Variants in MIA2 observed in about 807,000 individuals in gnomAD.
The protein encoded by MIA2 is MIA SH3 domain ER export factor 2.
Under a neutral mutation model 167.8 loss-of-function variants are expected in MIA2, and 127 were observed. The ratio of observed to expected loss-of-function variants is 0.76; its 90% CI spans 0.66 to 0.88. MIA2 has a LOEUF of 0.88. Ranked by LOEUF, MIA2 falls within the 40% of genes least tolerant of loss-of-function variation. MIA2 has a pLI of 0.00. For missense variants in MIA2, 1,690 were observed against 1,624.7 expected, an observed-to-expected ratio of 1.04 and a Z score of -0.69; for synonymous variants, 552 against 541.9, an observed-to-expected ratio of 1.02 and a Z score of -0.26.
At position 39,365,385 on chromosome 14, in the gene MIA2, G is replaced by A. The variant is rs935856976; in HGVS notation, c.2248+16408G>A. On this transcript the variant is annotated intron_variant, in intron 23 of 23. Coordinates refer to the MIA2 transcript ENST00000341502. ...ATTAAATAGGTTTTCAGTGCCTTTAGCCTTCTCTTCTTTTTTCTGGAATAC... is the reference window on the plus strand; with the variant it reads ...ATTAAATAGGTTTTCAGTGCCTTTAACCTTCTCTTCTTTTTTCTGGAATAC... 3.3e-5 allele frequency among the ~76,000 whole-genome samples: 5 copies of A among 152,232 alleles called. No homozygotes were observed. In the South Asian group the frequency reaches 1.0e-3, roughly 32 times the overall value.
Position 39,314,017 on chromosome 14 carries a change from C to T in MIA2, c.3119+576C>T, listed in dbSNP as rs565524645. Reference sequence around the variant, plus strand: ...TTGCTTTTTATCCAAAATAAGTTATCTTGTTAATCTCACAAAAGTACCAAG... The same window carrying T: ...TTGCTTTTTATCCAAAATAAGTTATTTTGTTAATCTCACAAAAGTACCAAG... On this transcript the variant is annotated intron_variant, in intron 19 of 28. Transcript: ENST00000640607. Among the ~76,000 whole-genome samples, 10 of 152,238 alleles carry T rather than the reference C, an allele frequency of 6.6e-5. No individual in the cohort carries two copies. The South Asian group carries it at 1.9e-3, about 28-fold the overall frequency.
intron 23 of MIA2, among the ~76,000 whole-genome samples, chr14:39,358,769 C>G (rs2074599559): frequency 6.6e-6 from 1 of 152,158 alleles, no homozygotes; most frequent in Admixed American, 6.5e-5. Context: ...TTCCTTCTAA[C>G]AGTCAGGATC....
rs1337242182 is a variant in MIA2, at chr14:39,350,132, T to C, written c.4107T>C (p.Pro1369=). Reference sequence around the variant, plus strand: ...TCTATCCACCGAGGGGTTTTCCTCCTTACCTTCCCCCAAGACCTGGATTTT... The same window carrying C: ...TCTATCCACCGAGGGGTTTTCCTCCCTACCTTCCCCCAAGACCTGGATTTT... ...RNVYPPRGFP[P]YLPPRPGFFP... Residue 1369 remains proline (P), a synonymous_variant, in exon 29 of 29, where the codon CCT becomes CCC. Transcript: ENST00000640607. The C allele has an allele frequency of 7.2e-7, 1 of 1,386,454 alleles. No individual in the cohort carries two copies. Among genetic ancestry groups the C allele is most frequent in the Non-Finnish European group, 9.8e-7 (1 of 1,016,342 alleles). The allele number at this position is 1,386,454 out of a possible 1,614,324, so 85.9% of individuals were successfully genotyped here.
Position 39,247,237 on chromosome 14 carries a change from T to C in MIA2, c.663T>C (p.Ser221=), listed in dbSNP as rs1233381710. 1 of 1,613,992 alleles carries C rather than the reference T, an allele frequency of 6.2e-7. No individual in the cohort carries two copies. The highest frequency in any genetic ancestry group is 1.7e-5 in the Admixed American group (1 of 59,980). The change falls in exon 4 of 29, where the codon TCT becomes TCC. Residue 221 remains serine, a synonymous_variant. Transcript: ENST00000640607. ...EVHVPPSSAV[S]GVKEWFGLGG... ...ATGTCCCACCATCTTCAGCTGTGTCTGGAGTCAAAGAATGGTTTGGATTGG... is the reference window on the plus strand; with the variant it reads ...ATGTCCCACCATCTTCAGCTGTGTCCGGAGTCAAAGAATGGTTTGGATTGG...
Position 39,373,882 on chromosome 14 carries a change from C to T in MIA2, c.2249-13003C>T, listed in dbSNP as rs147393626. Among the ~76,000 whole-genome samples the T allele has an allele frequency of 2.2e-3, 341 of 152,174 alleles. 1 individual carries two copies. Among genetic ancestry groups the T allele is most frequent in the African/African-American group, 7.7e-3 (319 of 41,512 alleles). On this transcript the variant is annotated intron_variant, in intron 23 of 23. Transcript: ENST00000341502. ...TCATAAGAAAAAAAACAAACTCTGG[C>T]CAGGTGCAGTGGTTCATGCTTGTAA... is the stretch of plus-strand genomic sequence containing the variant.
chr14:39,279,623 T>C (rs2058644105), intron 9 of MIA2, 86 bp downstream of exon 9: 1 of 830,520 alleles, frequency 1.2e-6, no homozygotes, highest in African/African-American at 1.7e-5. Context: ...AAATTTAAGA[T>C]TATGAATGCT....
intron 26 of MIA2, chr14:39,346,754 C>T (rs2153073631): frequency 6.5e-6 from 1 of 155,014 alleles, no homozygotes; most frequent in Admixed American, 6.6e-5. Flanking sequence ...GCTGGGACTA[C>T]AGGTGTGCAC....
chr14:39,368,733 T>C (rs2074876047), intron 23 of MIA2, among the ~76,000 whole-genome samples: 1 of 151,688 alleles, frequency 6.6e-6, no homozygotes, highest in Non-Finnish European at 1.5e-5. Context: ...ATTTAGTCTT[T>C]CAACTTTTGT....
intron 20 of MIA2, chr14:39,315,448 T>G (rs1250515170): frequency 7.6e-6 from 3 of 394,718 alleles, no homozygotes; most frequent in Non-Finnish European, 1.3e-5. Context: ...TCCTGTTGAT[T>G]ATTACATAAA....
chr14:39,304,179 G>A (rs2062954025), intron 16 of MIA2, 112 bp from the exon 17 acceptor site: 2 of 450,560 alleles, frequency 4.4e-6, no homozygotes. Context: ...TCATCAAAAC[G>A]ATAAAATCAC....
At chr14:39,276,128 G>A (rs1257992372) in intron 6 of MIA2, 1 of 151,978 alleles carries the variant, frequency 6.6e-6, no homozygotes, top group South Asian at 2.1e-4. Flanking sequence ...TTTTGATCAA[G>A]TAATATCTTG....
At chr14:39,327,710 C>G (rs1260752981) in intron 25 of MIA2, among the ~76,000 whole-genome samples, 1 of 151,918 alleles carries the variant, frequency 6.6e-6, no homozygotes, top group Non-Finnish European at 1.5e-5. Context: ...TGAGTGAGAA[C>G]ATGCGGTGTT....
intron 23 of MIA2, among the ~76,000 whole-genome samples, chr14:39,384,053 A>G (rs566191309): frequency 1.4e-4 from 21 of 152,328 alleles, no homozygotes; most frequent in African/African-American, 5.1e-4. Flanking sequence ...TGTAGACAAA[A>G]ACAGCCTTCT....
In MIA2 at chr14:39,385,725, A is replaced by C. The variant is rs559781224; in HGVS notation, c.2249-1160A>C. 17 of 926,278 alleles carry C rather than the reference A, an allele frequency of 1.8e-5. No individual in the cohort carries two copies. The African/African-American group carries it at 2.7e-4, about 15-fold the overall frequency. The allele number at this position is 926,278 out of a possible 1,614,324, so 57.4% of individuals were successfully genotyped here. A position where few individuals can be genotyped will look rare whatever the true frequency, so the allele number is the denominator to read the frequency against. Reference sequence around the variant, plus strand: ...GTGGTAACAGACTATAGTCCTTCTTACGTGTCTCTACCGGATTCTGGATAA... The same window carrying C: ...GTGGTAACAGACTATAGTCCTTCTTCCGTGTCTCTACCGGATTCTGGATAA... On this transcript the variant is annotated intron_variant, in intron 23 of 23. Transcript: ENST00000341502.
At position 39,301,925 on chromosome 14, in the gene MIA2, T is replaced by G. The variant is rs1046594152; in HGVS notation, c.2620-204T>G. Among the ~76,000 whole-genome samples the G allele has an allele frequency of 2.8e-4, 43 of 152,354 alleles. 1 individual carries two copies. The highest frequency in any genetic ancestry group is 6.8e-3 in the Middle Eastern group (2 of 294). ...TATTTGATTTGGGAATAACTAGTTT[T>G]GGCTTTTACTTGCAGAGTTTAATAG... On this transcript the variant is annotated intron_variant, in intron 14 of 28. Transcript: ENST00000640607.
At chr14:39,330,146 A>G (rs1422698513) in intron 25 of MIA2, among the ~76,000 whole-genome samples, 2 of 152,106 alleles carry the variant, frequency 1.3e-5, no homozygotes, top group African/African-American at 2.4e-5. Flanking sequence ...CAATTTCAGA[A>G]CTTGTTACTG....
intron 13 of MIA2, among the ~76,000 whole-genome samples, chr14:39,299,306 T>TTTTTC (rs2062020216): frequency 1.4e-4 from 1 of 7,066 alleles, no homozygotes; most frequent in Non-Finnish European, 3.8e-4. Flanking sequence ...ATGGTATTTC[T>TTTTTC]TTTTTTTTTT....
intron 15 of MIA2, among the ~76,000 whole-genome samples, chr14:39,303,132 T>C (rs889387748): frequency 1.3e-5 from 2 of 152,204 alleles, no homozygotes; most frequent in African/African-American, 4.8e-5. Flanking sequence ...TTTAATGTTA[T>C]TTTAACTTGG....
At chr14:39,317,615 G>A (rs141091836) in intron 21 of MIA2, among the ~76,000 whole-genome samples, 54 of 152,226 alleles carry the variant, frequency 3.5e-4, no homozygotes, top group Non-Finnish European at 6.2e-4. Flanking sequence ...AAAATCTCTT[G>A]TGTCCTAGGC....
Sources: allele counts gnomAD v4.1 joint callset (sites outside exome capture counted in the v4.1 genomes callset), GRCh38; gene constraint gnomAD v4.1.1; transcripts MANE v1.5; gene names NCBI Gene and HGNC (gene_info 2026-07-23, HGNC 2026-07-21).